Variants in SLC4A4 observed in about 807,000 individuals in gnomAD.
SLC4A4 encodes electrogenic sodium bicarbonate cotransporter 1.
Under a neutral mutation model 111.5 loss-of-function variants are expected in SLC4A4, and 27 were observed. The ratio of observed to expected loss-of-function variants is 0.24; its 90% confidence interval spans 0.18 to 0.33. SLC4A4 has a LOEUF of 0.33. SLC4A4 is among the 10% of genes least tolerant of loss of function. The pLI, the probability that SLC4A4 is intolerant of heterozygous loss-of-function variation, is 1.00. For synonymous variants in SLC4A4, 443 were observed against 463.4 expected, an observed-to-expected ratio of 0.96 and a Z score of 0.57; for missense variants, 909 against 1,315.5, an observed-to-expected ratio of 0.69 and a Z score of 4.78.
intron 6 of SLC4A4, among the ~76,000 whole-genome samples, chr4:71,387,010 G>T (rs368225803): frequency 1.2e-4 from 18 of 152,296 alleles, no homozygotes; most frequent in African/African-American, 3.4e-4. Flanking sequence ...GATACTTCTT[G>T]AGCAGAGCCC....
At chr4:71,371,245 CTT>C (rs71213506) in intron 6 of SLC4A4, among the ~76,000 whole-genome samples, 16 of 120,044 alleles carry the variant, frequency 1.3e-4, no homozygotes, top group South Asian at 8.2e-4. Context: ...CCAGGAATGC[CTT>C]TTTTTTTTTT....
At chr4:71,432,099 T>C (rs1185604550) in intron 7 of SLC4A4, among the ~76,000 whole-genome samples, 1 of 152,118 alleles carries the variant, frequency 6.6e-6, no homozygotes, top group Non-Finnish European at 1.5e-5. Context: ...GCTGAGATAG[T>C]AGGAAGTCTT....
In SLC4A4 at chr4:71,440,173, A is replaced by G. The variant is rs2149057362; in HGVS notation, c.808-443A>G. ...TTTACTTGTTTTATTTTTTTTTCTT[A>G]GTACTTATCAGCACTTTATATTTTA... is the stretch of plus-strand genomic sequence containing the variant. On this transcript the variant is annotated intron_variant, in intron 7 of 25. Coordinates refer to ENST00000264485, the MANE Select transcript of SLC4A4 (RefSeq NM_001098484.3). Among the ~76,000 whole-genome samples the G allele has an allele frequency of 2.0e-5, 3 of 151,466 alleles. No homozygotes were observed. The Middle Eastern group carries it at 0.01, about 515-fold the overall frequency.
At chr4:71,094,561 T>G (rs921114590) in intron 2 of SLC4A4, among the ~76,000 whole-genome samples, 6 of 152,226 alleles carry the variant, frequency 3.9e-5, no homozygotes, top group African/African-American at 1.4e-4. Flanking sequence ...GTTTATTAGC[T>G]TTGTGAGTCT....
At chr4:71,133,721 A>G (rs1743770287) in intron 2 of SLC4A4, among the ~76,000 whole-genome samples, 1 of 152,220 alleles carries the variant, frequency 6.6e-6, no homozygotes, top group African/African-American at 2.4e-5. Flanking sequence ...AGTGTGACTC[A>G]TTGGGGGCTA....
chr4:71,232,899 G>T (rs1365005877), intron 1 of SLC4A4, among the ~76,000 whole-genome samples: 1 of 152,242 alleles, frequency 6.6e-6, no homozygotes, highest in Admixed American at 6.5e-5. Flanking sequence ...GAAAGGGTTA[G>T]TTCTGATAGG....
chr4:71,233,970 T>G lies in SLC4A4; in HGVS notation c.-1-2606T>G, dbSNP rs542384427. Among the ~76,000 whole-genome samples the G allele has an allele frequency of 2.6e-5, 4 of 152,348 alleles. No homozygotes were observed. The East Asian group carries it at 7.7e-4, about 29-fold the overall frequency. On this transcript the variant is annotated intron_variant, in intron 1 of 25. Transcript: ENST00000264485. ...CCCAATCAATATCATCTCCTAAAGT[T>G]GACCTTCTAGCCCTGTCCAGCTGTA... is the stretch of plus-strand genomic sequence containing the variant.
intron 7 of SLC4A4, among the ~76,000 whole-genome samples, chr4:71,426,215 G>C (rs892667810): frequency 2.0e-5 from 3 of 152,030 alleles, no homozygotes; most frequent in African/African-American, 4.8e-5. Context: ...CCATGGGGAA[G>C]AGGGTATAAT....
At chr4:71,557,930 AT>A (rs759957249) in intron 22 of SLC4A4, 45 bp downstream of exon 22, 1 of 1,516,312 alleles carries the variant, frequency 6.6e-7, no homozygotes, top group Admixed American at 1.7e-5. Flanking sequence ...TTATATGAGT[AT>A]CATGTGGTTA....
intron 3 of SLC4A4, among the ~76,000 whole-genome samples, chr4:71,269,585 C>T (rs1247329471): frequency 6.6e-6 from 1 of 152,038 alleles, no homozygotes; most frequent in African/African-American, 2.4e-5. Flanking sequence ...CGTGTCTTTG[C>T]CTAGCAAGTA....
chr4:71,567,193 T>C, intron 25 of SLC4A4, 110 bp downstream of exon 25: 1 of 888,018 alleles, frequency 1.1e-6, no homozygotes. Flanking sequence ...GTCTCTATTA[T>C]TTATCTTAAA....
chr4:71,337,654 A>C (rs1315102509), intron 3 of SLC4A4, among the ~76,000 whole-genome samples: 5 of 152,112 alleles, frequency 3.3e-5, no homozygotes, highest in Non-Finnish European at 5.9e-5. Context: ...ACTATTTAAA[A>C]ATTTTCATGT....
intron 2 of SLC4A4, among the ~76,000 whole-genome samples, chr4:71,167,416 A>C (rs1744806910): frequency 6.6e-6 from 1 of 152,220 alleles, no homozygotes; most frequent in African/African-American, 2.4e-5. Context: ...AGCGGTCCCA[A>C]GTACATCCAG....
At chr4:71,337,371 A>G (rs966623972) in intron 3 of SLC4A4, among the ~76,000 whole-genome samples, 2 of 152,090 alleles carry the variant, frequency 1.3e-5, no homozygotes. Flanking sequence ...TTTAATGTGT[A>G]TTATTTTTAT....
At chr4:71,254,627 TAA>T (rs1408166956) in intron 2 of SLC4A4, among the ~76,000 whole-genome samples, 1 of 151,992 alleles carries the variant, frequency 6.6e-6, no homozygotes, top group African/African-American at 2.4e-5. Context: ...GTCCCAGTTC[TAA>T]GTCTCTATTT....
chr4:71,441,932 T>C (rs142654650), intron 8 of SLC4A4, among the ~76,000 whole-genome samples: 1 of 152,320 alleles, frequency 6.6e-6, no homozygotes, highest in Non-Finnish European at 1.5e-5. Context: ...ACGTAGCTTT[T>C]TGCTTGAAAA....
At chr4:71,505,639 T>C (rs948250582) in intron 16 of SLC4A4, among the ~76,000 whole-genome samples, 1 of 152,154 alleles carries the variant, frequency 6.6e-6, no homozygotes, top group Non-Finnish European at 1.5e-5. Context: ...ATTCTGTAGG[T>C]TGTCTGTTTA....
chr4:71,193,360 C>T (rs568413230), intron 1 of SLC4A4, among the ~76,000 whole-genome samples: 2 of 152,240 alleles, frequency 1.3e-5, no homozygotes, highest in South Asian at 2.1e-4. Context: ...AGGGTTTCAC[C>T]GTGTTAGCCA....
At position 71,440,470 on chromosome 4, in the gene SLC4A4, G is replaced by A. The variant is rs1724614312; in HGVS notation, c.808-146G>A. On this transcript the variant is annotated intron_variant, in intron 7 of 25. Coordinates refer to ENST00000264485, the MANE Select transcript of SLC4A4 (RefSeq NM_001098484.3). ...AACATAATGTAAAAGTGGCTAGCTA[G>A]AACATGTTGCATGTCAATTTGTAAA... is the stretch of plus-strand genomic sequence containing the variant. 7 of 816,396 alleles carry A rather than the reference G, an allele frequency of 8.6e-6. No homozygotes were observed. The East Asian group carries it at 1.8e-4, about 21-fold the overall frequency. The allele number at this position is 816,396 out of a possible 1,614,324, so 50.6% of individuals were successfully genotyped here. A position where few individuals can be genotyped will look rare whatever the true frequency, so the allele number is the denominator to read the frequency against.
Sources: allele counts gnomAD v4.1 joint callset (sites outside exome capture counted in the v4.1 genomes callset), GRCh38; gene constraint gnomAD v4.1.1; transcripts MANE v1.5; gene names NCBI Gene and HGNC (gene_info 2026-07-23, HGNC 2026-07-21).